LRP1B: variants seen among roughly 807,000 people sequenced by gnomAD.
LRP1B encodes LDL receptor related protein 1B, also known as low-density lipoprotein receptor-related protein 1B.
In LRP1B, 217 loss-of-function variants were observed where a neutral mutation model predicts 556.6. That is an observed-to-expected ratio of 0.39 (90% CI 0.35 to 0.44). The LOEUF is 0.44. LRP1B is among the 20% of genes least tolerant of loss of function. The probability of loss-of-function intolerance (pLI) is 1.00; values close to 1 mark genes in which losing one functional copy is unlikely to be tolerated. For missense variants in LRP1B, 5,053 were observed against 5,620.8 expected (o/e 0.90, Z 3.23); for synonymous variants, 2,047 against 1,865.8 (o/e 1.10, Z -2.50).
intron 36 of LRP1B, 118 bp from the exon 37 acceptor site, chr2:140,716,220 C>A: frequency 1.5e-6 from 1 of 672,010 alleles, no homozygotes; most frequent in Non-Finnish European, 2.5e-6. Flanking sequence ...TTACTTCCTA[C>A]ATTCTTTTTA....
At chr2:140,672,776 A>G (rs576979203) in intron 41 of LRP1B, among the ~76,000 whole-genome samples, 54 of 152,214 alleles carry the variant, frequency 3.5e-4, no homozygotes, top group African/African-American at 1.3e-3. Flanking sequence ...TGCTGTTATA[A>G]TATTCTCAAA....
chr2:141,841,684 C>A (rs965044687), intron 1 of LRP1B, among the ~76,000 whole-genome samples: 4 of 152,118 alleles, frequency 2.6e-5, no homozygotes, highest in Admixed American at 1.3e-4. Flanking sequence ...AAACTTCAGC[C>A]TTCAGTGTAA....
chr2:141,048,821 A>T (rs751523286), intron 11 of LRP1B, among the ~76,000 whole-genome samples, 165 bp downstream of exon 11: 8 of 152,140 alleles, frequency 5.3e-5, no homozygotes, highest in Non-Finnish European at 1.0e-4. Context: ...CTGGTATATG[A>T]AAACAGAGAA....
In LRP1B at chr2:141,015,828, C is replaced by T. The variant is rs78806080; in HGVS notation, c.2058G>A (p.Arg686=). The change falls in exon 13 of 91, where the codon CGG becomes CGA. Residue 686 remains arginine (R), a synonymous_variant. Transcript: ENST00000389484. ...IEKAWMDGFN[R]QIFVTSKMLW... ...GCATCTTTGAAGTCACAAAAATCTG[C>T]CGATTGAATCCATCCATCCAGGCCT... is the stretch of plus-strand genomic sequence containing the variant. 1 of 1,613,526 alleles carries T rather than the reference C, an allele frequency of 6.2e-7. No individual in the cohort carries two copies. Among genetic ancestry groups the T allele is most frequent in the Non-Finnish European group, 8.5e-7 (1 of 1,179,710 alleles).
At chr2:140,553,109 G>T (rs1680605356) in intron 43 of LRP1B, among the ~76,000 whole-genome samples, 2 of 152,024 alleles carry the variant, frequency 1.3e-5, no homozygotes, top group Non-Finnish European at 2.9e-5. Flanking sequence ...CCAACTGATT[G>T]CCTCATTGAC....
At chr2:141,978,847 T>C (rs1258356846) in intron 1 of LRP1B, among the ~76,000 whole-genome samples, 1 of 152,032 alleles carries the variant, frequency 6.6e-6, no homozygotes, top group African/African-American at 2.4e-5. Flanking sequence ...TATGAATACA[T>C]GTGCATATGT....
At chr2:140,706,704 C>A (rs1465859807) in intron 37 of LRP1B, among the ~76,000 whole-genome samples, 1 of 152,098 alleles carries the variant, frequency 6.6e-6, no homozygotes, top group Non-Finnish European at 1.5e-5. Context: ...TTTGGTAGCA[C>A]TGGAGCGCCC....
At chr2:140,623,186 G>A (rs1415794206) in intron 41 of LRP1B, among the ~76,000 whole-genome samples, 1 of 152,080 alleles carries the variant, frequency 6.6e-6, no homozygotes, top group East Asian at 1.9e-4. Context: ...ACATTGTGTG[G>A]CTAGACAGTC....
At chr2:141,406,536 TATCTATCTATC>T (rs924167904) in intron 3 of LRP1B, among the ~76,000 whole-genome samples, 7 of 141,564 alleles carry the variant, frequency 4.9e-5, no homozygotes, top group African/African-American at 1.6e-4. Context: ...AGGTGTAGAG[TATCTATCTATC>T]ATCTATCTAT....
At chr2:141,004,450 TA>T (rs1278836434) in intron 15 of LRP1B, among the ~76,000 whole-genome samples, 2 of 152,050 alleles carry the variant, frequency 1.3e-5, no homozygotes, top group African/African-American at 4.8e-5. Context: ...TCTTTGGACA[TA>T]AACTGAACCA....
At chr2:141,612,592 G>A (rs1416382889) in intron 2 of LRP1B, among the ~76,000 whole-genome samples, 1 of 152,156 alleles carries the variant, frequency 6.6e-6, no homozygotes, top group Non-Finnish European at 1.5e-5. Flanking sequence ...GGACTAATTT[G>A]TAGAAATACA....
At chr2:141,102,018 T>C (rs993898662) in intron 7 of LRP1B, among the ~76,000 whole-genome samples, 13 of 152,168 alleles carry the variant, frequency 8.5e-5, no homozygotes, top group Non-Finnish European at 1.9e-4. Flanking sequence ...GCTATGAACT[T>C]ATTTGGTTAT....
intron 63 of LRP1B, among the ~76,000 whole-genome samples, chr2:140,448,072 GAA>G (rs35988683): frequency 6.6e-6 from 1 of 150,924 alleles, no homozygotes; most frequent in Non-Finnish European, 1.5e-5. Context: ...TAATAGTAAT[GAA>G]AAAAAAATTG....
intron 66 of LRP1B, among the ~76,000 whole-genome samples, chr2:140,430,704 C>G (rs749604153): frequency 5.3e-5 from 8 of 152,206 alleles, no homozygotes; most frequent in Non-Finnish European, 7.3e-5. Flanking sequence ...CCATTCTATT[C>G]TGTCTTCATT....
intron 23 of LRP1B, among the ~76,000 whole-genome samples, chr2:140,897,909 C>A (rs1185281307): frequency 1.3e-5 from 2 of 152,138 alleles, no homozygotes; most frequent in Non-Finnish European, 2.9e-5. Context: ...TGGGACTTCA[C>A]CCTATGATTG....
chr2:140,631,429 A>G (rs1683879611), intron 41 of LRP1B, among the ~76,000 whole-genome samples: 1 of 152,238 alleles, frequency 6.6e-6, no homozygotes, highest in African/African-American at 2.4e-5. Context: ...GACAATATTC[A>G]AGAACAGTTG....
At chr2:142,063,115 A>T (rs1010410552) in intron 1 of LRP1B, among the ~76,000 whole-genome samples, 1 of 151,494 alleles carries the variant, frequency 6.6e-6, no homozygotes, top group African/African-American at 2.4e-5. Flanking sequence ...CCTCTAAAAA[A>T]TCCATTTATT....
At chr2:141,192,793 G>T (rs1286157193) in intron 6 of LRP1B, among the ~76,000 whole-genome samples, 1 of 151,208 alleles carries the variant, frequency 6.6e-6, no homozygotes, top group African/African-American at 2.4e-5. Flanking sequence ...GGCAAAAGTA[G>T]AAGAAAAAAA....
At chr2:141,087,019 T>C (rs1175224245) in intron 7 of LRP1B, among the ~76,000 whole-genome samples, 1 of 152,172 alleles carries the variant, frequency 6.6e-6, no homozygotes, top group South Asian at 2.1e-4. Context: ...CCCACTTACA[T>C]AGCACTGATG....
Sources: allele counts gnomAD v4.1 joint callset (sites outside exome capture counted in the v4.1 genomes callset), GRCh38; gene constraint gnomAD v4.1.1; transcripts MANE v1.5; gene names NCBI Gene and HGNC (gene_info 2026-07-23, HGNC 2026-07-21).